FAM53B: variants seen among roughly 807,000 people sequenced by gnomAD.
The protein encoded by FAM53B is family with sequence similarity 53 member B.
A neutral mutation model predicts 32.7 loss-of-function variants in FAM53B; 12 were observed. The ratio of observed to expected loss-of-function variants is 0.37; its 90% CI spans 0.24 to 0.59. The LOEUF (loss-of-function observed/expected upper bound fraction) is 0.59, where lower values mean the gene tolerates loss of function less well. Ranked by LOEUF, FAM53B falls within the 20% of genes least tolerant of loss-of-function variation. The pLI is 0.72. For missense variants in FAM53B, 477 were observed against 577.7 expected, an observed-to-expected ratio of 0.83 and a Z score of 1.79; for synonymous variants, 234 against 228.7, an observed-to-expected ratio of 1.02 and a Z score of -0.21.
At chr10:124,697,869 G>A (rs1041867587) in intron 2 of FAM53B, among the ~76,000 whole-genome samples, 3 of 152,126 alleles carry the variant, frequency 2.0e-5, no homozygotes, top group Non-Finnish European at 2.9e-5. Flanking sequence ...CCCCTCTACC[G>A]CCATCTGTGG....
At chr10:124,659,697 T>C (rs1325128454) in intron 4 of FAM53B, among the ~76,000 whole-genome samples, 2 of 152,272 alleles carry the variant, frequency 1.3e-5, no homozygotes, top group East Asian at 3.8e-4. Flanking sequence ...CCAAGCTCCA[T>C]TACCACAAGC....
Position 124,682,036 on chromosome 10 carries a change from G to A in FAM53B, c.477C>T (p.Phe159=), listed in dbSNP as rs1040660827. Residue 159 remains phenylalanine (F), a synonymous_variant, in exon 4 of 5, where the codon TTC becomes TTT. Transcript: ENST00000337318. This position sits in a 1 kb window ranked among gnomAD's most constrained non-coding sequence, Gnocchi z 5.2. The part of the protein sequence containing the change: ...GGSVQRYSNG[F]STMQRSSSFS... ...AGCTGGAACTCCTCTGCATGGTGCT[G>A]AAGCCGTTGGAATAGCGCTGGACGC... The A allele has an allele frequency of 6.2e-7, 1 of 1,613,620 alleles. No homozygotes were observed. The highest frequency in any genetic ancestry group is 1.3e-5 in the African/African-American group (1 of 74,930).
chr10:124,675,096 T>C (rs1304283476), intron 4 of FAM53B, among the ~76,000 whole-genome samples: 5 of 152,212 alleles, frequency 3.3e-5, no homozygotes. Context: ...AAAGCTATTG[T>C]GGCAACACTC....
intron 4 of FAM53B, among the ~76,000 whole-genome samples, chr10:124,636,342 GC>G (rs1949432065): frequency 6.6e-6 from 1 of 151,960 alleles, no homozygotes; most frequent in Non-Finnish European, 1.5e-5. Context: ...ACCTCTACCA[GC>G]CCCAGGTTCC....
chr10:124,709,908 T>C (rs867304762), intron 1 of FAM53B, among the ~76,000 whole-genome samples: 124 of 151,462 alleles, frequency 8.2e-4, no homozygotes, highest in African/African-American at 2.9e-3. Flanking sequence ...GAGAAGGGAA[T>C]GACAGTTCCG....
chr10:124,725,379 C>T (rs895429368), intron 1 of FAM53B, among the ~76,000 whole-genome samples: 1 of 152,048 alleles, frequency 6.6e-6, no homozygotes, highest in East Asian at 1.9e-4. Context: ...AGAAAGGGTA[C>T]AGCAGTTGAT....
At chr10:124,723,608 G>A (rs1010037586) in intron 1 of FAM53B, among the ~76,000 whole-genome samples, 2 of 152,228 alleles carry the variant, frequency 1.3e-5, no homozygotes, top group African/African-American at 4.8e-5. Context: ...AGAGCCCAGG[G>A]CCCTGCCCTA....
At chr10:124,705,308 A>AAGGCGG (rs71484582) in intron 2 of FAM53B, among the ~76,000 whole-genome samples, 6 of 152,162 alleles carry the variant, frequency 3.9e-5, no homozygotes, top group South Asian at 2.1e-4. Context: ...GGCAGGAGGG[A>AAGGCGG]AGGCGGAGGC....
chr10:124,706,966 T>C, intron 1 of FAM53B, 79 bp from the exon 2 acceptor site: 1 of 1,302,368 alleles, frequency 7.7e-7, no homozygotes, highest in East Asian at 2.9e-5. Flanking sequence ...CCCACAGTAC[T>C]GGAAATCCCA....
intron 4 of FAM53B, among the ~76,000 whole-genome samples, chr10:124,631,550 T>C (rs1384814771): frequency 6.6e-6 from 1 of 152,142 alleles, no homozygotes; most frequent in Non-Finnish European, 1.5e-5. Flanking sequence ...TCCGTTGGCC[T>C]GGGGAGTTGT....
At chr10:124,693,188 C>A (rs925591910) in intron 3 of FAM53B, among the ~76,000 whole-genome samples, 2 of 151,988 alleles carry the variant, frequency 1.3e-5, no homozygotes, top group Admixed American at 6.6e-5. Context: ...GAAAAGCAGG[C>A]ACGCCGGGCG....
intron 4 of FAM53B, among the ~76,000 whole-genome samples, chr10:124,647,859 G>A (rs1949529131): frequency 6.6e-6 from 1 of 152,206 alleles, no homozygotes; most frequent in African/African-American, 2.4e-5. Context: ...CTGGCCTGTG[G>A]TCACTGTTTC....
chr10:124,710,187 G>A (rs1031479796), intron 1 of FAM53B, among the ~76,000 whole-genome samples: 9 of 152,262 alleles, frequency 5.9e-5, no homozygotes, highest in African/African-American at 2.2e-4. Context: ...CCAGGGCTCT[G>A]AATGCCATAC....
chr10:124,673,007 T>G (rs566849517), intron 4 of FAM53B, among the ~76,000 whole-genome samples: 14 of 152,316 alleles, frequency 9.2e-5, no homozygotes, highest in African/African-American at 3.1e-4. Context: ...TTAAAGAAAG[T>G]TGCCACCTTT....
At chr10:124,648,223 T>C (rs1564866922) in intron 4 of FAM53B, among the ~76,000 whole-genome samples, 1 of 152,166 alleles carries the variant, frequency 6.6e-6, no homozygotes, top group East Asian at 1.9e-4. Context: ...GGAGCGTCTG[T>C]TGGAAAACCC....
At chr10:124,739,867 C>T (rs903550642) in intron 1 of FAM53B, among the ~76,000 whole-genome samples, 2 of 152,016 alleles carry the variant, frequency 1.3e-5, no homozygotes, top group Non-Finnish European at 2.9e-5. Context: ...GTCCTTCAAA[C>T]GTGTTTTTAT....
At chr10:124,710,207 A>G (rs1949991436) in intron 1 of FAM53B, among the ~76,000 whole-genome samples, 1 of 152,196 alleles carries the variant, frequency 6.6e-6, no homozygotes, top group African/African-American at 2.4e-5. Context: ...CTCAATGGAG[A>G]CCTTATCACT....
chr10:124,661,756 C>T (rs1377040269), intron 4 of FAM53B, among the ~76,000 whole-genome samples: 1 of 152,234 alleles, frequency 6.6e-6, no homozygotes, highest in Non-Finnish European at 1.5e-5. Flanking sequence ...GGACACTGCT[C>T]GTTGTCCCCA....
Position 124,673,173 on chromosome 10 carries a change from T to C in FAM53B, c.906+8434A>G, listed in dbSNP as rs60294632. On this transcript the variant is annotated intron_variant, in intron 4 of 4. Transcript: ENST00000337318. ...ACCCTTGTCTAGCCCACCTTCATGT[T>C]TGCCAATAGCCTCCTGCCTGGCCTC... 4.5e-4 allele frequency among the ~76,000 whole-genome samples: 69 copies of C among 152,184 alleles called. No homozygotes were observed. The East Asian group carries it at 0.013, about 29-fold the overall frequency.
Sources: allele counts gnomAD v4.1 joint callset (sites outside exome capture counted in the v4.1 genomes callset), GRCh38; gene constraint gnomAD v4.1.1; non-coding constraint Gnocchi (gnomAD v3.1); transcripts MANE v1.5; gene names NCBI Gene and HGNC (gene_info 2026-07-23, HGNC 2026-07-21).